The following HS3ST2 variants were observed in gnomAD, a reference collection of about 807,000 sequenced individuals.
The protein encoded by HS3ST2 is heparan sulfate-glucosamine 3-sulfotransferase 2.
In HS3ST2, 17 loss-of-function variants were observed where a neutral mutation model predicts 26.3. The ratio of observed to expected loss-of-function variants is 0.65; its 90% confidence interval spans 0.44 to 0.97. The LOEUF is 0.97. HS3ST2 is among the 50% of genes least tolerant of loss of function. The probability of loss-of-function intolerance (pLI) is 0.00; values close to 1 mark genes in which losing one functional copy is unlikely to be tolerated. For synonymous variants in HS3ST2, 237 were observed against 219.2 expected (o/e 1.08, Z -0.72); for missense variants, 402 against 501.2 (o/e 0.80, Z 1.89).
intron 1 of HS3ST2, among the ~76,000 whole-genome samples, chr16:22,839,728 G>A (rs926592755): frequency 6.6e-6 from 1 of 151,894 alleles, no homozygotes; most frequent in African/African-American, 2.4e-5. Flanking sequence ...TGTCTTGGAC[G>A]CGTCTTACCC....
At chr16:22,906,155 G>A (rs1438328798) in intron 1 of HS3ST2, among the ~76,000 whole-genome samples, 4 of 152,014 alleles carry the variant, frequency 2.6e-5, no homozygotes, top group African/African-American at 4.8e-5. Flanking sequence ...GGCAGATCAC[G>A]AGGTGAAGAG....
intron 1 of HS3ST2, among the ~76,000 whole-genome samples, chr16:22,861,086 A>AG (rs1355346032): frequency 6.6e-6 from 1 of 152,134 alleles, no homozygotes; most frequent in East Asian, 1.9e-4. Flanking sequence ...TATGTTGCCC[A>AG]GGCTGATCTT....
chr16:22,908,326 G>A (rs566395106), intron 1 of HS3ST2, among the ~76,000 whole-genome samples: 43 of 152,202 alleles, frequency 2.8e-4, no homozygotes, highest in East Asian at 1.2e-3. Context: ...TGGTGGACTC[G>A]GGAGATACAG....
intron 1 of HS3ST2, among the ~76,000 whole-genome samples, chr16:22,886,601 C>T (rs1902062687): frequency 6.6e-6 from 1 of 152,138 alleles, no homozygotes; most frequent in Admixed American, 6.5e-5. Context: ...AGTAGCGGGC[C>T]TGACATAATT....
At chr16:22,896,903 C>T (rs992536070) in intron 1 of HS3ST2, among the ~76,000 whole-genome samples, 2 of 152,176 alleles carry the variant, frequency 1.3e-5, no homozygotes, top group African/African-American at 4.8e-5. Flanking sequence ...ACTTCCTGGG[C>T]TCAAGTGATC....
Position 22,879,965 on chromosome 16 carries a change from A to G in HS3ST2, c.486-34979A>G, listed in dbSNP as rs145815802. 2.5e-3 allele frequency among the ~76,000 whole-genome samples: 388 copies of G among 152,328 alleles called. 4 individuals carry two copies. Among genetic ancestry groups the G allele is most frequent in the African/African-American group, 8.9e-3 (371 of 41,582 alleles). ...ACTGGGCTAGTCATGGTGAGAAAGAACAAGAAGCCTCTGAAAATGCACAAA... is the reference window on the plus strand; with the variant it reads ...ACTGGGCTAGTCATGGTGAGAAAGAGCAAGAAGCCTCTGAAAATGCACAAA... On this transcript the variant is annotated intron_variant, in intron 1 of 1. Coordinates refer to ENST00000261374, the MANE Select transcript of HS3ST2 (RefSeq NM_006043.2).
intron 1 of HS3ST2, among the ~76,000 whole-genome samples, chr16:22,903,188 G>A (rs1902303300): frequency 6.6e-6 from 1 of 152,094 alleles, no homozygotes; most frequent in Non-Finnish European, 1.5e-5. Context: ...ACTTGAATCT[G>A]GATTCTGCAA....
At chr16:22,830,654 G>C (rs556082244) in intron 1 of HS3ST2, among the ~76,000 whole-genome samples, 2 of 152,262 alleles carry the variant, frequency 1.3e-5, no homozygotes, top group South Asian at 4.1e-4. Context: ...ATGAACCCTT[G>C]GTGGAAGAGC....
At chr16:22,843,467 T>C (rs1222041278) in intron 1 of HS3ST2, among the ~76,000 whole-genome samples, 3 of 152,204 alleles carry the variant, frequency 2.0e-5, no homozygotes, top group Admixed American at 6.5e-5. Flanking sequence ...TGGCTTCAAG[T>C]TGGGGTTCCC....
chr16:22,852,625 C>T (rs1901533303), intron 1 of HS3ST2, among the ~76,000 whole-genome samples: 1 of 152,170 alleles, frequency 6.6e-6, no homozygotes, highest in Admixed American at 6.5e-5. Context: ...GACTCTCTGC[C>T]TCCCAAGGCC....
intron 1 of HS3ST2, among the ~76,000 whole-genome samples, chr16:22,887,971 A>C (rs1291613105): frequency 6.6e-6 from 1 of 152,162 alleles, no homozygotes; most frequent in African/African-American, 2.4e-5. Context: ...TGAATAACAG[A>C]CAAAGATGTG....
intron 1 of HS3ST2, among the ~76,000 whole-genome samples, chr16:22,859,109 T>G (rs2141188449): frequency 6.6e-6 from 1 of 152,328 alleles, no homozygotes; most frequent in Non-Finnish European, 1.5e-5. Flanking sequence ...GAGGCTGTAG[T>G]GAGCTATGAT....
At chr16:22,889,350 T>C (rs185673808) in intron 1 of HS3ST2, among the ~76,000 whole-genome samples, 8 of 152,336 alleles carry the variant, frequency 5.3e-5, no homozygotes, top group Admixed American at 5.2e-4. Flanking sequence ...CAACACTTCG[T>C]ATACAATTAT....
intron 1 of HS3ST2, among the ~76,000 whole-genome samples, chr16:22,864,866 G>A (rs1294212786): frequency 7.5e-6 from 1 of 132,996 alleles, no homozygotes; most frequent in African/African-American, 3.2e-5. Flanking sequence ...GGCAACATAG[G>A]GAGACCCTGT....
chr16:22,849,491 C>T (rs773587689), intron 1 of HS3ST2, among the ~76,000 whole-genome samples: 3 of 152,148 alleles, frequency 2.0e-5, no homozygotes, highest in African/African-American at 7.2e-5. Flanking sequence ...CTAAGTTGTG[C>T]TGTAGTAACA....
intron 1 of HS3ST2, among the ~76,000 whole-genome samples, chr16:22,875,002 A>G (rs1901894825): frequency 6.6e-6 from 1 of 152,184 alleles, no homozygotes. Flanking sequence ...CAGAACACTC[A>G]CCTATACAGT....
At chr16:22,912,749 A>G (rs1902438405) in intron 1 of HS3ST2, among the ~76,000 whole-genome samples, 1 of 152,122 alleles carries the variant, frequency 6.6e-6, no homozygotes, top group African/African-American at 2.4e-5. Flanking sequence ...ACCACCCTAC[A>G]AAAAGGGTGG....
intron 1 of HS3ST2, among the ~76,000 whole-genome samples, chr16:22,850,502 A>G (rs537410493): frequency 1.3e-5 from 2 of 152,234 alleles, no homozygotes; most frequent in African/African-American, 4.8e-5. Context: ...AATCTCTCAT[A>G]TAAGTCGGGC....
chr16:22,826,284 C>A (rs1047336504), intron 1 of HS3ST2, among the ~76,000 whole-genome samples: 1 of 152,090 alleles, frequency 6.6e-6, no homozygotes, highest in Non-Finnish European at 1.5e-5. Context: ...GAGCTGGTGC[C>A]TATGTTTTGG....
Sources: gnomAD v4.1 joint callset for allele counts (sites outside exome capture counted in the v4.1 genomes callset) on GRCh38, gnomAD v4.1.1 for gene constraint, MANE v1.5 for transcripts, NCBI Gene and HGNC (gene_info 2026-07-23, HGNC 2026-07-21) for gene names.